XPO5: variants seen among roughly 807,000 people sequenced by gnomAD.
XPO5 encodes exportin-5.
In XPO5, 46 loss-of-function variants were observed where a neutral mutation model predicts 160.6. The ratio of observed to expected loss-of-function variants is 0.29; its 90% confidence interval spans 0.23 to 0.37. XPO5 has a LOEUF of 0.37. Ranked by LOEUF, XPO5 falls within the 10% of genes least tolerant of loss-of-function variation. The pLI is 1.00. For missense variants in XPO5, 1,090 were observed against 1,463.9 expected (o/e 0.74, Z 4.17); for synonymous variants, 537 against 519.3 (o/e 1.03, Z -0.46).
At chr6:43,568,799 A>AC (rs775801750) in intron 5 of XPO5, 62 bp from the exon 6 acceptor site, 14 of 1,406,964 alleles carry the variant, frequency 1.0e-5, no homozygotes, top group Admixed American at 2.3e-5. Flanking sequence ...ATAACTTTCT[A>AC]CCCCCCACAA....
In XPO5 at chr6:43,523,806, C is replaced by A. The variant is rs752163480; in HGVS notation, c.*62G>T. 1.2e-6 allele frequency: 2 copies of A among 1,613,030 alleles called. No individual in the cohort carries two copies. The highest frequency in any genetic ancestry group is 2.2e-5 in the East Asian group (1 of 44,848). On this transcript the variant is annotated 3_prime_UTR_variant, in exon 32 of 32. Transcript: ENST00000265351. ...GGCAGTGCAAGAAGGGCCTAGAGAT[C>A]GGCTACAAAGGGAAAGAAGAGATGA...
At chr6:43,572,450 G>A (rs1354265923) in intron 3 of XPO5, 56 bp downstream of exon 3, 9 of 1,557,350 alleles carry the variant, frequency 5.8e-6, no homozygotes, top group Non-Finnish European at 8.0e-6. Context: ...TATTGAAGAA[G>A]TCACGCTTTG....
At chr6:43,546,942 A>G (rs1468008110) in intron 19 of XPO5, among the ~76,000 whole-genome samples, 190 bp from the exon 20 acceptor site, 2 of 152,100 alleles carry the variant, frequency 1.3e-5, no homozygotes, top group Non-Finnish European at 2.9e-5. Context: ...TCTCACTGCC[A>G]TTTTCAGGGC....
At chr6:43,549,125 G>A (rs539409165) in intron 17 of XPO5, among the ~76,000 whole-genome samples, 1 of 152,190 alleles carries the variant, frequency 6.6e-6, no homozygotes. Flanking sequence ...GCAATGGCGT[G>A]ATCTTGGCTC....
chr6:43,550,956 C>A, intron 15 of XPO5: 1 of 168,592 alleles, frequency 5.9e-6, no homozygotes, highest in Non-Finnish European at 1.3e-5. Flanking sequence ...GTTTTTGTGC[C>A]TTTCTTCCCA....
At chr6:43,558,849 T>A (rs1415578158) in intron 11 of XPO5, 11 of 363,080 alleles carry the variant, frequency 3.0e-5, no homozygotes, top group Non-Finnish European at 5.4e-5. Flanking sequence ...AATTCTTGAA[T>A]TCTTTTAAGG....
intron 19 of XPO5, 77 bp downstream of exon 19, chr6:43,547,531 A>G: frequency 1.5e-6 from 2 of 1,368,046 alleles, no homozygotes; most frequent in South Asian, 1.2e-5. Context: ...AAACAAATCT[A>G]TGAGAAACTT....
chr6:43,536,138 G>C (rs1269011431), intron 20 of XPO5, among the ~76,000 whole-genome samples: 1 of 151,058 alleles, frequency 6.6e-6, no homozygotes, highest in Non-Finnish European at 1.5e-5. Flanking sequence ...ACCCTGGCCA[G>C]GCACAGTGAC....
At chr6:43,544,135 G>C (rs1794850031) in intron 20 of XPO5, 1 of 153,196 alleles carries the variant, frequency 6.5e-6, no homozygotes, top group Non-Finnish European at 1.5e-5. Flanking sequence ...GTATCAAAAT[G>C]ATAACCATCT....
In XPO5 at chr6:43,575,743, G is replaced by GCCAGGACC. The variant is rs773880899; in HGVS notation, c.105+9_105+16dup. The GCCAGGACC allele has an allele frequency of 1.9e-6, 3 of 1,603,602 alleles. No individual in the cohort carries two copies. Among genetic ancestry groups the GCCAGGACC allele is most frequent in the South Asian group, 2.2e-5 (2 of 90,386 alleles). On this transcript the variant is annotated intron_variant, in intron 1 of 31. Transcript: ENST00000265351. ...GAGGGTGTCGGGACCGGCCCAGGAC[G>GCCAGGACC]CCAGGACCCCAGCTACCTTGAGGGC...
At chr6:43,564,529 CA>C (rs113474362) in intron 8 of XPO5, among the ~76,000 whole-genome samples, 37 of 133,926 alleles carry the variant, frequency 2.8e-4, no homozygotes, top group Non-Finnish European at 2.4e-4. Context: ...AACTCCATCT[CA>C]AAAAAAAAAA....
At chr6:43,525,519 A>G in intron 28 of XPO5, 1 of 501,588 alleles carries the variant, frequency 2.0e-6, no homozygotes, top group Non-Finnish European at 3.5e-6. Context: ...CCAGTCAAAA[A>G]GAAAAAATCA....
Position 43,551,315 on chromosome 6 carries a change from G to A in XPO5, c.1711C>T (p.Pro571Ser). Reference sequence around the variant, plus strand: ...CTTTATACCTTAGAGAAGACCTGGGGCAGGAACTCTGGTCTGTAGGTGACA... The same window carrying A: ...CTTTATACCTTAGAGAAGACCTGGGACAGGAACTCTGGTCTGTAGGTGACA... Reference protein sequence around the residue: ...PFVTYRPEFLPQVFSKLFSSV... With the variant: ...PFVTYRPEFLSQVFSKLFSSV... The change falls in exon 15 of 32, where the codon CCC becomes TCC. Residue 571 changes from proline (P) to serine (S), a missense_variant. Around this residue, in one of 3 missense-constraint regions of XPO5, gnomAD observed 810 missense variants for 1,139.0 expected, o/e 0.71. Transcript: ENST00000265351. 6.2e-7 allele frequency: 1 copy of A among 1,613,010 alleles called. No individual in the cohort carries two copies. Among genetic ancestry groups the A allele is most frequent in the Middle Eastern group, 1.7e-4 (1 of 6,054 alleles).
Position 43,546,561 on chromosome 6 carries a change from T to C in XPO5, c.2342+10A>G, listed in dbSNP as rs1794972802. On this transcript the variant is annotated intron_variant, in intron 20 of 31. Coordinates refer to ENST00000265351, the MANE Select transcript of XPO5 (RefSeq NM_020750.3). ...GAAAACAACAGAGAAAAGCCATTAT[T>C]CTGACTCACCTTATAAGCGCAAGCA... 6.3e-7 allele frequency: 1 copy of C among 1,596,960 alleles called. No homozygotes were observed. The highest frequency in any genetic ancestry group is 1.3e-5 in the African/African-American group (1 of 74,098).
intron 20 of XPO5, chr6:43,539,058 T>C (rs1794526986): frequency 6.6e-7 from 1 of 1,525,824 alleles, no homozygotes; most frequent in African/African-American, 1.4e-5. Context: ...ATACCAGCCA[T>C]CATGAGCAGC....
chr6:43,544,427 A>C (rs1561873879), intron 20 of XPO5, among the ~76,000 whole-genome samples: 2 of 152,190 alleles, frequency 1.3e-5, no homozygotes, highest in African/African-American at 4.8e-5. Context: ...TTTTTAAAAA[A>C]AGAAAATTAT....
Position 43,567,344 on chromosome 6 carries a change from T to C in XPO5, c.659A>G (p.Asn220Ser). ...DTSQESKAQA[N>S]CRVGVAALNT... ...CAGTGCTGCAACTCCTACTCGACAG[T>C]TTGCTTGCGCCTACCAGAAAAGAAG... The change falls in exon 7 of 32, where the codon AAC becomes AGC. Residue 220 changes from asparagine to serine, a missense_variant. Around this residue, in one of 3 missense-constraint regions of XPO5, gnomAD observed 110 missense variants for 97.9 expected, o/e 1.12. Transcript: ENST00000265351. 1 of 1,604,938 alleles carries C rather than the reference T, an allele frequency of 6.2e-7. No individual in the cohort carries two copies. The highest frequency in any genetic ancestry group is 8.5e-7 in the Non-Finnish European group (1 of 1,176,350).
At chr6:43,559,936 C>T (rs1310466714) in intron 11 of XPO5, among the ~76,000 whole-genome samples, 1 of 152,168 alleles carries the variant, frequency 6.6e-6, no homozygotes, top group Non-Finnish European at 1.5e-5. Context: ...CCACCTTAAG[C>T]CTCCCCAGTA....
chr6:43,528,815 A>AC lies in XPO5; in HGVS notation c.2775+12dup. 2 of 1,611,946 alleles carry AC rather than the reference A, an allele frequency of 1.2e-6. No homozygotes were observed. Among genetic ancestry groups the AC allele is most frequent in the East Asian group, 4.5e-5 (2 of 44,850 alleles). ...TAGTACTCTTTGCTTCCTGTTCCTG[A>AC]CTTATCTCTTACCATATGGAGGTAG... On this transcript the variant is annotated intron_variant, in intron 24 of 31. Coordinates refer to ENST00000265351, the MANE Select transcript of XPO5 (RefSeq NM_020750.3).
Sources: gnomAD v4.1 joint callset for allele counts (sites outside exome capture counted in the v4.1 genomes callset) on GRCh38, gnomAD v4.1.1 for gene constraint, gnomAD v4.1.1 regional missense constraint, MANE v1.5 for transcripts, NCBI Gene and HGNC (gene_info 2026-07-23, HGNC 2026-07-21) for gene names.